MCHR2: variants seen among roughly 807,000 people sequenced by gnomAD.
MCHR2 encodes the protein melanin-concentrating hormone receptor 2.
Under a neutral mutation model 24.8 loss-of-function variants are expected in MCHR2, and 15 were observed. That is an observed-to-expected ratio of 0.60 (90% CI 0.40 to 0.93). The LOEUF (loss-of-function observed/expected upper bound fraction) is 0.93. MCHR2 is among the 40% of genes least tolerant of loss of function. The pLI, the probability that MCHR2 is intolerant of heterozygous loss-of-function variation, is 0.00. For synonymous variants in MCHR2, 151 were observed against 147.6 expected (o/e 1.02, Z -0.17); for missense variants, 386 against 408.7 (o/e 0.94, Z 0.48).
At chr6:99,929,144 A>G (rs1453415727) in intron 5 of MCHR2, among the ~76,000 whole-genome samples, 4 of 152,042 alleles carry the variant, frequency 2.6e-5, no homozygotes, top group African/African-American at 9.7e-5. Context: ...GTAGTTGAGC[A>G]GTTTTGAGTG....
intron 5 of MCHR2, among the ~76,000 whole-genome samples, chr6:99,930,792 C>T (rs1237491462): frequency 1.3e-5 from 2 of 152,098 alleles, no homozygotes; most frequent in Admixed American, 6.5e-5. Flanking sequence ...TGAATTTCCT[C>T]TTGTAGCTCA....
At chr6:99,993,536 C>T (rs543581465) in intron 1 of MCHR2, among the ~76,000 whole-genome samples, 19 of 152,270 alleles carry the variant, frequency 1.2e-4, no homozygotes, top group Non-Finnish European at 1.6e-4. Context: ...GTGATCGCCT[C>T]CTCGCCTTCG....
At chr6:99,983,042 C>G (rs555153064) in intron 1 of MCHR2, among the ~76,000 whole-genome samples, 30 of 152,274 alleles carry the variant, frequency 2.0e-4, no homozygotes, top group African/African-American at 7.0e-4. Flanking sequence ...CTCACTGCAG[C>G]CTCAACTTCC....
At chr6:99,936,079 C>T (rs1017906121) in intron 4 of MCHR2, among the ~76,000 whole-genome samples, 1 of 151,752 alleles carries the variant, frequency 6.6e-6, no homozygotes, top group Non-Finnish European at 1.5e-5. Flanking sequence ...GTTTGAGCTC[C>T]TTATATATTC....
Position 99,956,075 on chromosome 6 carries a change from C to G in MCHR2, c.73G>C (p.Ala25Pro), listed in dbSNP as rs200456889. 6 of 1,613,442 alleles carry G rather than the reference C, an allele frequency of 3.7e-6. No individual in the cohort carries two copies. Among genetic ancestry groups the G allele is most frequent in the Non-Finnish European group, 4.2e-6 (5 of 1,179,618 alleles). The change falls in exon 2 of 6, where the codon GCT becomes CCT. Residue 25 changes from alanine to proline, a missense_variant. Ala to Pro is a conservative substitution (Grantham distance 27). Transcript: ENST00000281806. ...TCTACCACACTGGCAGTTTGATAAGCAAACTCTTTATTCCAGGATTTGTTT... is the reference window on the plus strand; with the variant it reads ...TCTACCACACTGGCAGTTTGATAAGGAAACTCTTTATTCCAGGATTTGTTT... The part of the protein sequence containing the change: ...LLNKSWNKEF[A>P]YQTASVVDTV...
At chr6:99,983,264 C>A (rs1285429248) in intron 1 of MCHR2, among the ~76,000 whole-genome samples, 2 of 152,182 alleles carry the variant, frequency 1.3e-5, no homozygotes. Context: ...AACCACCATG[C>A]CCAGCCCCTG....
intron 1 of MCHR2, among the ~76,000 whole-genome samples, chr6:99,966,554 T>C (rs1430298931): frequency 6.6e-6 from 1 of 152,170 alleles, no homozygotes; most frequent in Admixed American, 6.6e-5. Flanking sequence ...TCCAGGTGTA[T>C]GGCTGCTAAA....
At chr6:99,987,097 T>TTTAC (rs1327160578) in intron 1 of MCHR2, among the ~76,000 whole-genome samples, 17 of 151,736 alleles carry the variant, frequency 1.1e-4, no homozygotes, top group Non-Finnish European at 2.2e-4. Context: ...GTTGTATTTA[T>TTTAC]TTATTTATTT....
intron 5 of MCHR2, among the ~76,000 whole-genome samples, chr6:99,927,965 C>T (rs1774407085): frequency 1.3e-5 from 2 of 152,194 alleles, no homozygotes; most frequent in Middle Eastern, 3.4e-3. Context: ...ATGATATTGG[C>T]TGTGGGTTTG....
At chr6:99,939,707 TG>T (rs1774734861) in intron 4 of MCHR2, among the ~76,000 whole-genome samples, 1 of 151,520 alleles carries the variant, frequency 6.6e-6, no homozygotes, top group African/African-American at 2.4e-5. Flanking sequence ...TGCACATTAG[TG>T]TTTTTTTTTT....
chr6:99,941,844 AT>A (rs34397476), intron 4 of MCHR2, among the ~76,000 whole-genome samples: 43,785 of 149,846 alleles, frequency 0.29, 7,179 homozygotes, highest in East Asian at 0.75. Flanking sequence ...AAGCATATGA[AT>A]TTTTTTTTTT....
At chr6:99,959,951 A>C (rs751987437) in intron 1 of MCHR2, among the ~76,000 whole-genome samples, 1 of 151,944 alleles carries the variant, frequency 6.6e-6, no homozygotes, top group African/African-American at 2.4e-5. Flanking sequence ...AAGGGACAGA[A>C]AGCTTATTTA....
chr6:99,987,657 T>C (rs1281932499), intron 1 of MCHR2, among the ~76,000 whole-genome samples: 1 of 152,174 alleles, frequency 6.6e-6, no homozygotes, highest in African/African-American at 2.4e-5. Context: ...TACAGACATA[T>C]GCTTTAACTA....
chr6:99,985,496 A>G (rs997901432), intron 1 of MCHR2, among the ~76,000 whole-genome samples: 3 of 152,224 alleles, frequency 2.0e-5, no homozygotes, highest in African/African-American at 7.2e-5. Context: ...TCAATGGAAC[A>G]GTACAGATAA....
intron 1 of MCHR2, among the ~76,000 whole-genome samples, chr6:99,961,131 A>G (rs1054000106): frequency 1.3e-5 from 2 of 152,154 alleles, no homozygotes; most frequent in Admixed American, 6.5e-5. Context: ...TTACAAGAAA[A>G]AAACAACAAC....
chr6:99,967,086 C>A (rs1775308765), intron 1 of MCHR2, among the ~76,000 whole-genome samples: 1 of 151,672 alleles, frequency 6.6e-6, no homozygotes, highest in South Asian at 2.1e-4. Flanking sequence ...CAAGTTTTGA[C>A]ACTTACTTGA....
At chr6:99,984,915 T>C (rs1050503690) in intron 1 of MCHR2, among the ~76,000 whole-genome samples, 1 of 152,106 alleles carries the variant, frequency 6.6e-6, no homozygotes, top group Non-Finnish European at 1.5e-5. Flanking sequence ...TATGATCGTA[T>C]GCCTAGAGAA....
chr6:99,950,327 T>A (rs1774943448), intron 2 of MCHR2, among the ~76,000 whole-genome samples: 1 of 152,196 alleles, frequency 6.6e-6, no homozygotes, highest in African/African-American at 2.4e-5. Context: ...TTTCTAACTA[T>A]ATAAATTATA....
intron 1 of MCHR2, among the ~76,000 whole-genome samples, chr6:99,972,861 G>T: frequency 6.6e-6 from 1 of 152,138 alleles, no homozygotes; most frequent in East Asian, 1.9e-4. Context: ...TTTCCATGTA[G>T]TTGAGTGGTT....
Sources: gnomAD v4.1 joint callset for allele counts (sites outside exome capture counted in the v4.1 genomes callset) on GRCh38, gnomAD v4.1.1 for gene constraint, MANE v1.5 for transcripts, NCBI Gene and HGNC (gene_info 2026-07-23, HGNC 2026-07-21) for gene names.